The following CLSTN2 variants were observed in gnomAD, a reference collection of about 807,000 sequenced individuals.
CLSTN2 encodes the protein calsyntenin 2, also known as calsyntenin-2.
A neutral mutation model predicts 101.2 loss-of-function variants in CLSTN2; 48 were observed. The ratio of observed to expected loss-of-function variants is 0.47; its 90% CI spans 0.38 to 0.60. The LOEUF (loss-of-function observed/expected upper bound fraction) is 0.60, where lower values mean the gene tolerates loss of function less well. Ranked by LOEUF, CLSTN2 falls within the 20% of genes least tolerant of loss-of-function variation. The pLI, the probability that CLSTN2 is intolerant of heterozygous loss-of-function variation, is 0.00. For synonymous variants in CLSTN2, 481 were observed against 463.6 expected (o/e 1.04, Z -0.48); for missense variants, 1,160 against 1,238.2 (o/e 0.94, Z 0.95).
intron 2 of CLSTN2, among the ~76,000 whole-genome samples, chr3:140,264,773 T>C (rs978062195): frequency 2.0e-5 from 3 of 152,108 alleles, no homozygotes; most frequent in Non-Finnish European, 4.4e-5. Flanking sequence ...CAGGGGTTTT[T>C]AGGACAGCTG....
intron 1 of CLSTN2, among the ~76,000 whole-genome samples, chr3:140,083,773 G>A (rs1187356556): frequency 6.6e-6 from 1 of 152,220 alleles, no homozygotes; most frequent in Non-Finnish European, 1.5e-5. Context: ...CACAGTTCTG[G>A]TGGTAGTGCA....
chr3:140,168,259 A>G (rs1233900516), intron 1 of CLSTN2, among the ~76,000 whole-genome samples: 1 of 152,106 alleles, frequency 6.6e-6, no homozygotes, highest in Admixed American at 6.6e-5. Flanking sequence ...GCTTCAATTT[A>G]CATGCCCCTA....
chr3:140,076,623 G>GTTTTTTTTT (rs1401368909), intron 1 of CLSTN2, among the ~76,000 whole-genome samples: 1 of 61,660 alleles, frequency 1.6e-5, no homozygotes, highest in South Asian at 5.2e-4. Context: ...CTCACCAGCA[G>GTTTTTTTTT]TGTTTTTTTT....
chr3:140,143,917 C>T (rs1374867817), intron 1 of CLSTN2, among the ~76,000 whole-genome samples: 2 of 152,226 alleles, frequency 1.3e-5, no homozygotes, highest in African/African-American at 2.4e-5. Flanking sequence ...TCTGTAGATA[C>T]TAAACACTGT....
chr3:139,951,564 G>A (rs972436124), intron 1 of CLSTN2, among the ~76,000 whole-genome samples: 4 of 152,170 alleles, frequency 2.6e-5, no homozygotes, highest in African/African-American at 9.7e-5. Flanking sequence ...ACCTGACACA[G>A]AAGCACTGTT....
intron 4 of CLSTN2, among the ~76,000 whole-genome samples, chr3:140,416,423 T>G (rs934712232): frequency 6.6e-6 from 1 of 152,206 alleles, no homozygotes; most frequent in African/African-American, 2.4e-5. Flanking sequence ...ACATGATGCA[T>G]ATGTTAAATA....
At chr3:140,231,346 A>C (rs932976309) in intron 2 of CLSTN2, among the ~76,000 whole-genome samples, 1 of 152,126 alleles carries the variant, frequency 6.6e-6, no homozygotes, top group East Asian at 1.9e-4. Context: ...CTAAGTTATA[A>C]ATGTCTAGGT....
chr3:140,511,735 T>TG (rs1934819562), intron 8 of CLSTN2, among the ~76,000 whole-genome samples: 1 of 150,074 alleles, frequency 6.7e-6, no homozygotes, highest in African/African-American at 2.5e-5. Context: ...TTTTTTGTAT[T>TG]TTTAGTAGAG....
chr3:140,200,471 T>C (rs1361868022), intron 2 of CLSTN2, among the ~76,000 whole-genome samples: 1 of 152,048 alleles, frequency 6.6e-6, no homozygotes, highest in Non-Finnish European at 1.5e-5. Context: ...ATACAAGAAA[T>C]AACAGTTTAT....
chr3:140,241,890 C>T (rs1283543742), intron 2 of CLSTN2, among the ~76,000 whole-genome samples: 1 of 149,514 alleles, frequency 6.7e-6, no homozygotes, highest in African/African-American at 2.5e-5. Flanking sequence ...TACACACACA[C>T]ACACACACAC....
At chr3:140,021,038 CA>C (rs2007305258) in intron 1 of CLSTN2, among the ~76,000 whole-genome samples, 1 of 152,024 alleles carries the variant, frequency 6.6e-6, no homozygotes, top group Admixed American at 6.5e-5. Context: ...AGAAACAAAA[CA>C]AAGAAAAAAA....
intron 2 of CLSTN2, 66 bp from the exon 3 acceptor site, chr3:140,403,563 T>C (rs1249104986): frequency 1.5e-6 from 2 of 1,353,042 alleles, no homozygotes; most frequent in East Asian, 2.3e-5. Flanking sequence ...TCTGGTCCAA[T>C]GGAAGCACTG....
At chr3:140,184,145 T>C (rs937401859) in intron 2 of CLSTN2, among the ~76,000 whole-genome samples, 1 of 152,200 alleles carries the variant, frequency 6.6e-6, no homozygotes, top group Non-Finnish European at 1.5e-5. Flanking sequence ...GATGACACTG[T>C]TCTCCGTGTG....
At chr3:140,286,180 T>C (rs2086894425) in intron 2 of CLSTN2, among the ~76,000 whole-genome samples, 1 of 152,140 alleles carries the variant, frequency 6.6e-6, no homozygotes, top group African/African-American at 2.4e-5. Flanking sequence ...TCTGTCCAGG[T>C]CCTGATTCAA....
intron 2 of CLSTN2, among the ~76,000 whole-genome samples, chr3:140,270,014 T>G (rs2086727740): frequency 6.6e-6 from 1 of 152,192 alleles, no homozygotes; most frequent in South Asian, 2.1e-4. Context: ...GAGCAAATGT[T>G]TGCTGGGCTC....
At chr3:140,073,250 C>T (rs187986557) in intron 1 of CLSTN2, among the ~76,000 whole-genome samples, 27 of 152,250 alleles carry the variant, frequency 1.8e-4, no homozygotes, top group Admixed American at 2.6e-4. Context: ...AAGGTATAGA[C>T]GAGTGGGAAG....
At chr3:139,955,181 A>G (rs569914111) in intron 1 of CLSTN2, among the ~76,000 whole-genome samples, 100 of 139,868 alleles carry the variant, frequency 7.1e-4, no homozygotes, top group Non-Finnish European at 1.3e-3. Flanking sequence ...ATTTATTTGA[A>G]AAGTTCTCTT....
chr3:140,254,928 C>T lies in CLSTN2; in HGVS notation c.232+78855C>T, dbSNP rs970511777. On this transcript the variant is annotated intron_variant, in intron 2 of 16. Coordinates refer to ENST00000458420, the MANE Select transcript of CLSTN2 (RefSeq NM_022131.3). ...TATGCATCCAACAAAGGTGTAATAT[C>T]CAGAATCTATAAGAAACTTAAATCA... 2.6e-5 allele frequency among the ~76,000 whole-genome samples: 4 copies of T among 152,050 alleles called. No individual in the cohort carries two copies. In the East Asian group the frequency reaches 7.7e-4, roughly 29 times the overall value.
intron 1 of CLSTN2, among the ~76,000 whole-genome samples, chr3:140,142,712 C>A (rs542456989): frequency 6.6e-6 from 1 of 152,168 alleles, no homozygotes; most frequent in African/African-American, 2.4e-5. Flanking sequence ...TGGGTCCTTT[C>A]GTGACCTGGA....
Sources: allele counts gnomAD v4.1 joint callset (sites outside exome capture counted in the v4.1 genomes callset), GRCh38; gene constraint gnomAD v4.1.1; transcripts MANE v1.5; gene names NCBI Gene and HGNC (gene_info 2026-07-23, HGNC 2026-07-21).